GRXCR2: variants seen among roughly 807,000 people sequenced by gnomAD.
GRXCR2 encodes glutaredoxin domain-containing cysteine-rich protein 2.
GRXCR2 carries 23 observed loss-of-function variants against 24.8 expected under a neutral mutation model. The ratio of observed to expected loss-of-function variants is 0.93; its 90% CI spans 0.67 to 1.32. The LOEUF (loss-of-function observed/expected upper bound fraction) is 1.32. GRXCR2 is among the 40% of genes most tolerant of loss of function. The probability of loss-of-function intolerance (pLI) is 0.00; values close to 1 mark genes in which losing one functional copy is unlikely to be tolerated. For synonymous variants in GRXCR2, 130 were observed against 116.1 expected (o/e 1.12, Z -0.77); for missense variants, 315 against 303.4 (o/e 1.04, Z -0.28).
intron 2 of GRXCR2, among the ~76,000 whole-genome samples, chr5:145,914,658 C>T (rs534849592): frequency 2.7e-5 from 3 of 112,320 alleles, no homozygotes; most frequent in Non-Finnish European, 4.9e-5. Flanking sequence ...CCTGGGTGAT[C>T]GAACAAGACT....
intron 2 of GRXCR2, among the ~76,000 whole-genome samples, chr5:145,918,262 G>C (rs1757267795): frequency 6.6e-6 from 1 of 152,166 alleles, no homozygotes; most frequent in Non-Finnish European, 1.5e-5. Context: ...TGATCTGGTA[G>C]TAGGGCAGGC....
chr5:145,892,711 G>A (rs1756887614), intron 2 of GRXCR2, among the ~76,000 whole-genome samples: 1 of 152,210 alleles, frequency 6.6e-6, no homozygotes, highest in Non-Finnish European at 1.5e-5. Context: ...ACACTCTGCA[G>A]GATATTATCC....
At chr5:145,915,847 C>A (rs1203058553) in intron 2 of GRXCR2, among the ~76,000 whole-genome samples, 1 of 152,138 alleles carries the variant, frequency 6.6e-6, no homozygotes, top group African/African-American at 2.4e-5. Context: ...GTGGGTTCAC[C>A]TCTAAGAGTC....
At chr5:145,918,422 G>C (rs1234684179) in intron 2 of GRXCR2, among the ~76,000 whole-genome samples, 1 of 152,138 alleles carries the variant, frequency 6.6e-6, no homozygotes. Flanking sequence ...CTATCCCCTA[G>C]TAACTTAGAC....
intron 2 of GRXCR2, among the ~76,000 whole-genome samples, chr5:145,918,057 C>T (rs957488423): frequency 1.3e-5 from 2 of 152,242 alleles, no homozygotes; most frequent in African/African-American, 2.4e-5. Flanking sequence ...GGATTATAGG[C>T]GTGAGCCACT....
chr5:145,869,082 C>T (rs1756482152), intron 1 of GRXCR2, among the ~76,000 whole-genome samples: 1 of 152,236 alleles, frequency 6.6e-6, no homozygotes. Flanking sequence ...TGATCAGGCA[C>T]TATTAAATCT....
intron 2 of GRXCR2, among the ~76,000 whole-genome samples, chr5:145,922,821 A>C (rs1757340589): frequency 1.3e-5 from 2 of 152,240 alleles, no homozygotes; most frequent in South Asian, 4.1e-4. Context: ...AGCTAGGCCA[A>C]ACTCCCAGAA....
At chr5:145,874,120 G>A (rs1756575750), upstream of GRXCR2, among the ~76,000 whole-genome samples, 1 of 152,078 alleles carries the variant, frequency 6.6e-6, no homozygotes, top group South Asian at 2.1e-4. Flanking sequence ...TTTGCTACCA[G>A]CATCACCATT....
At chr5:145,901,148 G>T (rs529632386) in intron 2 of GRXCR2, among the ~76,000 whole-genome samples, 1 of 146,120 alleles carries the variant, frequency 6.8e-6, no homozygotes. Flanking sequence ...GACTACTAGA[G>T]GGGGGAAGGA....
At chr5:145,892,686 G>A (rs750440465) in intron 2 of GRXCR2, among the ~76,000 whole-genome samples, 21 of 152,292 alleles carry the variant, frequency 1.4e-4, no homozygotes, top group Non-Finnish European at 4.4e-5. Flanking sequence ...GGGGAGAATG[G>A]AACCAAGTTG....
intron 2 of GRXCR2, among the ~76,000 whole-genome samples, chr5:145,915,330 T>C (rs1757221343): frequency 6.6e-6 from 1 of 152,160 alleles, no homozygotes; most frequent in African/African-American, 2.4e-5. Flanking sequence ...CTAGTTATTG[T>C]TCCTGCTTGG....
intron 2 of GRXCR2, among the ~76,000 whole-genome samples, chr5:145,918,722 TC>T (rs576550570): frequency 1.9e-3 from 288 of 152,216 alleles, no homozygotes; most frequent in Non-Finnish European, 3.1e-3. Flanking sequence ...CTTAGGGATT[TC>T]CCCCCATCTA....
chr5:145,860,196 G>GT (rs1435516079), intron 2 of GRXCR2, among the ~76,000 whole-genome samples: 4 of 152,130 alleles, frequency 2.6e-5, no homozygotes, highest in Non-Finnish European at 5.9e-5. Context: ...TCTCTGACCT[G>GT]TTTTTTCTGT....
At chr5:145,911,752 C>T (rs1220810512) in intron 2 of GRXCR2, among the ~76,000 whole-genome samples, 1 of 152,174 alleles carries the variant, frequency 6.6e-6, no homozygotes, top group Non-Finnish European at 1.5e-5. Context: ...CTGGCACTGA[C>T]AGCACAAAGA....
At chr5:145,928,585 G>A (rs1757433609) in intron 2 of GRXCR2, among the ~76,000 whole-genome samples, 1 of 152,120 alleles carries the variant, frequency 6.6e-6, no homozygotes, top group Admixed American at 6.5e-5. Flanking sequence ...AAACAATGAT[G>A]AGTTCATGTC....
At chr5:145,922,918 G>A (rs1561692448) in intron 2 of GRXCR2, among the ~76,000 whole-genome samples, 1 of 152,362 alleles carries the variant, frequency 6.6e-6, no homozygotes, top group East Asian at 1.9e-4. Flanking sequence ...CCATGTACCA[G>A]TGGGGTTTGC....
At chr5:145,893,095 C>T (rs1365638357) in intron 2 of GRXCR2, among the ~76,000 whole-genome samples, 2 of 152,130 alleles carry the variant, frequency 1.3e-5, no homozygotes, top group Non-Finnish European at 2.9e-5. Context: ...GAGATTTTGT[C>T]ACCACCAGGC....
At chr5:145,880,860 C>A (rs1251053600) in intron 2 of GRXCR2, among the ~76,000 whole-genome samples, 1 of 152,194 alleles carries the variant, frequency 6.6e-6, no homozygotes, top group African/African-American at 2.4e-5. Flanking sequence ...CCCTGGGATA[C>A]AAGACTGGTT....
chr5:145,895,977 G>A (rs139860798), intron 2 of GRXCR2, among the ~76,000 whole-genome samples: 3,739 of 152,098 alleles, frequency 0.025, 114 homozygotes, highest in African/African-American at 0.074. Context: ...AAATAATGTC[G>A]CATATCTACA....
Sources: gnomAD v4.1 joint callset for allele counts (sites outside exome capture counted in the v4.1 genomes callset) on GRCh38, gnomAD v4.1.1 for gene constraint, MANE v1.5 for transcripts, NCBI Gene and HGNC (gene_info 2026-07-23, HGNC 2026-07-21) for gene names.